The following RBM48 variants were observed in gnomAD, a reference collection of about 807,000 sequenced individuals.
RBM48 encodes RNA binding motif protein 48.
A neutral mutation model predicts 34.8 loss-of-function variants in RBM48; 32 were observed. The ratio of observed to expected loss-of-function variants is 0.92; its 90% CI spans 0.69 to 1.23. The LOEUF is 1.23. Among genes scored for constraint, RBM48 ranks in the 50% most tolerant of loss-of-function variants. RBM48 has a pLI of 0.00. For synonymous variants in RBM48, 151 were observed against 156.2 expected (o/e 0.97, Z 0.25); for missense variants, 441 against 447.2 (o/e 0.99, Z 0.12).
chr7:92,529,557 C>G lies in RBM48; in HGVS notation c.193C>G (p.Arg65Gly). Residue 65 changes from arginine to glycine, a missense_variant, in exon 2 of 5, where the codon CGA (arginine) becomes GGA (glycine). By Grantham distance (125) the Arg-to-Gly change is moderately radical. Coordinates refer to ENST00000265732, the MANE Select transcript of RBM48 (RefSeq NM_032120.4). ...AVGVMKELVERFALYGAIEQY... is the reference protein window; with the variant it reads ...AVGVMKELVEGFALYGAIEQY... The stretch of plus-strand genomic sequence containing the variant: ...GGGAGTCATGAAGGAATTAGTTGAG[C>G]GATTCGCTTTATATGGTGCAATTGA... The G allele has an allele frequency of 6.2e-7, 1 of 1,610,094 alleles. No individual in the cohort carries two copies. Among genetic ancestry groups the G allele is most frequent in the South Asian group, 1.1e-5 (1 of 90,952 alleles).
At chr7:92,530,944 T>C (rs1284499093) in intron 2 of RBM48, among the ~76,000 whole-genome samples, 1 of 151,940 alleles carries the variant, frequency 6.6e-6, no homozygotes. Context: ...AAGCTGGGTG[T>C]GTTGGTGCAT....
At position 92,537,047 on chromosome 7, in the gene RBM48, C is replaced by T. The variant is rs1793733941; in HGVS notation, c.*110C>T. 6 of 747,714 alleles carry T rather than the reference C, an allele frequency of 8.0e-6. No individual in the cohort carries two copies. Among genetic ancestry groups the T allele is most frequent in the Admixed American group, 3.3e-5 (1 of 30,456 alleles). The allele number at this position is 747,714 out of a possible 1,614,324, so 46.3% of individuals were successfully genotyped here. On this transcript the variant is annotated 3_prime_UTR_variant, in exon 5 of 5. Coordinates refer to ENST00000265732, the MANE Select transcript of RBM48 (RefSeq NM_032120.4). ...ACTGCTGGTATTTTTTAATGCACTCCTCTTTGTAATTTCATTCAAGCCATT... is the reference window on the plus strand; with the variant it reads ...ACTGCTGGTATTTTTTAATGCACTCTTCTTTGTAATTTCATTCAAGCCATT...
At chr7:92,533,137 A>T (rs549828795) in intron 3 of RBM48, among the ~76,000 whole-genome samples, 23 of 152,326 alleles carry the variant, frequency 1.5e-4, no homozygotes, top group African/African-American at 5.3e-4. Context: ...CCACATAGTG[A>T]TGGAGAGAAA....
chr7:92,533,435 G>A (rs1793624331), intron 3 of RBM48, among the ~76,000 whole-genome samples: 1 of 152,124 alleles, frequency 6.6e-6, no homozygotes, highest in African/African-American at 2.4e-5. Context: ...CAAAATAAGG[G>A]TTAAAACCCA....
Position 92,538,614 on chromosome 7 carries a change from G to C in RBM48, c.*1677G>C, listed in dbSNP as rs1793783696. ...GAAATCTCAGGTAAAGGATATATTA[G>C]AGACCTAAGCATAGAATTGGAAGGA... On this transcript the variant is annotated 3_prime_UTR_variant, in exon 5 of 5. Coordinates refer to ENST00000265732, the MANE Select transcript of RBM48 (RefSeq NM_032120.4). Among the ~76,000 whole-genome samples the C allele has an allele frequency of 6.6e-6, 1 of 152,130 alleles. No individual in the cohort carries two copies. Among genetic ancestry groups the C allele is most frequent in the African/African-American group, 2.4e-5 (1 of 41,402 alleles).
At position 92,529,504 on chromosome 7, in the gene RBM48, A is replaced by G. The variant is rs1272606992; in HGVS notation, c.140A>G (p.Tyr47Cys). The change falls in exon 2 of 5, where the codon TAC becomes TGC. Residue 47 changes from tyrosine to cysteine, a missense_variant. Tyr to Cys is a radical substitution (Grantham distance 194, BLOSUM62 -2). Transcript: ENST00000265732. ...TATACAATCAATTTGGAATCTCAGT[A>G]CTTATTAATACAAGGAGTTCCTGCT... ...KVYTINLESQ[Y>C]LLIQGVPAVG... 1.2e-6 allele frequency: 2 copies of G among 1,606,606 alleles called. No homozygotes were observed. The highest frequency in any genetic ancestry group is 1.7e-6 in the Non-Finnish European group (2 of 1,175,414).
chr7:92,532,790 C>T (rs997540845), intron 3 of RBM48, among the ~76,000 whole-genome samples: 2 of 152,044 alleles, frequency 1.3e-5, no homozygotes, highest in African/African-American at 2.4e-5. Context: ...GATAAGTAGA[C>T]GTTAACTAAA....
At chr7:92,530,790 T>A (rs1329675418) in intron 2 of RBM48, among the ~76,000 whole-genome samples, 2 of 149,338 alleles carry the variant, frequency 1.3e-5, no homozygotes, top group African/African-American at 4.9e-5. Context: ...AGAGTGAGAC[T>A]GTCTCAAAAA....
At chr7:92,535,447 G>T (rs1793686370) in intron 4 of RBM48, 3 of 1,001,676 alleles carry the variant, frequency 3.0e-6, no homozygotes, top group Non-Finnish European at 1.2e-6. Flanking sequence ...AGGCCTCCAG[G>T]TATGCATTTC....
intron 2 of RBM48, among the ~76,000 whole-genome samples, chr7:92,531,897 A>G (rs1007862525): frequency 6.6e-6 from 1 of 152,254 alleles, no homozygotes; most frequent in African/African-American, 2.4e-5. Flanking sequence ...CTGGCCAGTC[A>G]TAGATGTTTA....
Position 92,537,027 on chromosome 7 carries a change from T to G in RBM48, c.*90T>G, listed in dbSNP as rs1230949535. 1.1e-6 allele frequency: 1 copy of G among 936,226 alleles called. No individual in the cohort carries two copies. The highest frequency in any genetic ancestry group is 1.7e-5 in the African/African-American group (1 of 58,686). 58.0% of individuals were successfully genotyped at this position (936,226 alleles called of 1,614,324 possible). On this transcript the variant is annotated 3_prime_UTR_variant, in exon 5 of 5. Transcript: ENST00000265732. ...TTAATTCTTCAAGAGATTTTACTGC[T>G]GGTATTTTTTAATGCACTCCTCTTT...
At chr7:92,535,247 G>T in intron 4 of RBM48, 1 of 1,330,892 alleles carries the variant, frequency 7.5e-7, no homozygotes. Flanking sequence ...ATCTGTGAGA[G>T]TGGAGCCCAG....
intron 4 of RBM48, chr7:92,535,286 G>A: frequency 8.0e-7 from 1 of 1,248,084 alleles, no homozygotes; most frequent in Non-Finnish European, 1.0e-6. Flanking sequence ...AAGCTCCCCA[G>A]GTAGTTCTAA....
At chr7:92,531,658 G>C (rs2116317460) in intron 2 of RBM48, among the ~76,000 whole-genome samples, 1 of 152,316 alleles carries the variant, frequency 6.6e-6, no homozygotes, top group East Asian at 1.9e-4. Flanking sequence ...ATAGTACGTA[G>C]TCTGGTAGGC....
intron 2 of RBM48, among the ~76,000 whole-genome samples, chr7:92,531,437 T>C (rs1490836751): frequency 6.6e-6 from 1 of 152,216 alleles, no homozygotes; most frequent in Non-Finnish European, 1.5e-5. Context: ...TCCTCACTAA[T>C]CTGCTCTGAG....
chr7:92,530,556 C>T (rs1221466496), intron 2 of RBM48, among the ~76,000 whole-genome samples: 1 of 151,988 alleles, frequency 6.6e-6, no homozygotes, highest in Non-Finnish European at 1.5e-5. Flanking sequence ...AATCCCAGCA[C>T]TTTGGGAGGT....
rs966675367 is a variant in RBM48, at chr7:92,528,892, T to C, written c.79T>C (p.Tyr27His). The C allele has an allele frequency of 6.2e-7, 1 of 1,613,902 alleles. No individual in the cohort carries two copies. Among genetic ancestry groups the C allele is most frequent in the Non-Finnish European group, 8.5e-7 (1 of 1,179,980 alleles). The part of the protein sequence containing the change: ...QRAVCDTRAK[Y>H]REGRRPRAVK... ...GGCGGTATGCGACACACGGGCCAAATATCGAGAGGGACGACGGCCTCGTGC... is the reference window on the plus strand; with the variant it reads ...GGCGGTATGCGACACACGGGCCAAACATCGAGAGGGACGACGGCCTCGTGC... Residue 27 changes from tyrosine (Y) to histidine (H), a missense_variant, in exon 1 of 5, where the codon TAT (tyrosine) becomes CAT (histidine). Coordinates refer to ENST00000265732, the MANE Select transcript of RBM48 (RefSeq NM_032120.4).
intron 3 of RBM48, 105 bp downstream of exon 3, chr7:92,532,654 A>G: frequency 1.3e-6 from 1 of 777,898 alleles, no homozygotes; most frequent in South Asian, 1.8e-5. Context: ...GTAAACCATC[A>G]CAGTATTCAG....
At chr7:92,529,712 T>G (rs1334108356) in intron 2 of RBM48, 46 bp downstream of exon 2, 2 of 1,278,888 alleles carry the variant, frequency 1.6e-6, no homozygotes, top group South Asian at 2.8e-5. Flanking sequence ...TTTCTTCCAT[T>G]CATATTTCTG....
Sources: gnomAD v4.1 joint callset for allele counts (sites outside exome capture counted in the v4.1 genomes callset) on GRCh38, gnomAD v4.1.1 for gene constraint, MANE v1.5 for transcripts, NCBI Gene and HGNC (gene_info 2026-07-23, HGNC 2026-07-21) for gene names.